Variants in FHIT observed in about 807,000 individuals in gnomAD.
FHIT encodes bis(5'-adenosyl)-triphosphatase.
FHIT carries 19 observed loss-of-function variants against 17.9 expected under a neutral mutation model. That is an observed-to-expected ratio of 1.06 (90% CI 0.74 to 1.56). FHIT has a LOEUF of 1.56. Ranked by LOEUF, FHIT falls within the 40% of genes most tolerant of loss-of-function variation. The probability of loss-of-function intolerance (pLI) is 0.00; values close to 1 mark genes in which losing one functional copy is unlikely to be tolerated. For synonymous variants in FHIT, 81 were observed against 69.7 expected (o/e 1.16, Z -0.81); for missense variants, 248 against 189.2 (o/e 1.31, Z -1.82).
At chr3:60,259,759 C>T (rs1053060334) in intron 5 of FHIT, among the ~76,000 whole-genome samples, 1 of 151,998 alleles carries the variant, frequency 6.6e-6, no homozygotes, top group Non-Finnish European at 1.5e-5. Context: ...TTCAATAATG[C>T]ACCCCAAGTG....
chr3:60,444,173 T>C (rs1365579497), intron 5 of FHIT, among the ~76,000 whole-genome samples: 1 of 152,090 alleles, frequency 6.6e-6, no homozygotes, highest in Non-Finnish European at 1.5e-5. Context: ...AGAATGGTGA[T>C]CATTAAAAAG....
At chr3:60,373,209 AATGTC>A (rs1423373797) in intron 5 of FHIT, among the ~76,000 whole-genome samples, 1 of 152,100 alleles carries the variant, frequency 6.6e-6, no homozygotes, top group Admixed American at 6.6e-5. Context: ...AATTGTGATA[AATGTC>A]ATGGGAGAGA....
At chr3:60,175,578 C>T (rs1345478328) in intron 5 of FHIT, among the ~76,000 whole-genome samples, 4 of 152,000 alleles carry the variant, frequency 2.6e-5, no homozygotes, top group Non-Finnish European at 5.9e-5. Flanking sequence ...AATGGCAATA[C>T]GAGCAAAGTT....
chr3:60,089,315 T>G (rs1395242468), intron 5 of FHIT, among the ~76,000 whole-genome samples: 2 of 152,208 alleles, frequency 1.3e-5, no homozygotes, highest in African/African-American at 4.8e-5. Flanking sequence ...TTTTAGTATA[T>G]TTTTGGGTTT....
chr3:60,318,289 C>T (rs181145256), intron 5 of FHIT, among the ~76,000 whole-genome samples: 6 of 152,102 alleles, frequency 3.9e-5, no homozygotes, highest in Admixed American at 3.3e-4. Flanking sequence ...AAAGAACTAA[C>T]AAAAGGAAAG....
At chr3:60,982,738 A>G (rs1710549390) in intron 3 of FHIT, among the ~76,000 whole-genome samples, 1 of 152,136 alleles carries the variant, frequency 6.6e-6, no homozygotes, top group Admixed American at 6.5e-5. Flanking sequence ...TTCTTTGGCT[A>G]TTCACTGCTT....
At chr3:60,285,664 GT>G (rs1707691330) in intron 5 of FHIT, among the ~76,000 whole-genome samples, 1 of 152,130 alleles carries the variant, frequency 6.6e-6, no homozygotes, top group African/African-American at 2.4e-5. Context: ...AACTTAACCA[GT>G]TTGAACACTT....
intron 7 of FHIT, among the ~76,000 whole-genome samples, chr3:59,953,270 C>T (rs538754395): frequency 3.9e-5 from 6 of 152,076 alleles, no homozygotes; most frequent in Admixed American, 1.3e-4. Flanking sequence ...GTTTCTCTCT[C>T]GGTCTTGATG....
chr3:61,240,874 CCTTGGTACCT>C (rs746290836), intron 1 of FHIT, among the ~76,000 whole-genome samples: 172 of 152,252 alleles, frequency 1.1e-3, no homozygotes, highest in South Asian at 1.9e-3. Context: ...GTGGCACAGG[CCTTGGTACCT>C]CAATTTCAGC....
chr3:60,064,663 A>C (rs1272735839), intron 5 of FHIT, among the ~76,000 whole-genome samples: 6 of 152,230 alleles, frequency 3.9e-5, no homozygotes. Flanking sequence ...ACATACACAC[A>C]ACACAAGCAC....
At chr3:60,219,631 T>C (rs1358849753) in intron 5 of FHIT, among the ~76,000 whole-genome samples, 1 of 152,150 alleles carries the variant, frequency 6.6e-6, no homozygotes, top group Non-Finnish European at 1.5e-5. Context: ...TTTACTTTTG[T>C]TGAAATGTTA....
intron 4 of FHIT, among the ~76,000 whole-genome samples, chr3:60,582,895 G>A (rs1176929532): frequency 6.6e-6 from 1 of 151,944 alleles, no homozygotes; most frequent in Non-Finnish European, 1.5e-5. Context: ...AAGCTGAGAA[G>A]TGTTCAAAGA....
chr3:60,522,590 G>A (rs1288003091), intron 5 of FHIT, among the ~76,000 whole-genome samples: 10 of 152,220 alleles, frequency 6.6e-5, no homozygotes, highest in Non-Finnish European at 1.5e-4. Context: ...AGATTTGGCA[G>A]GAGTAGTAGA....
intron 4 of FHIT, among the ~76,000 whole-genome samples, chr3:60,605,749 C>T (rs1261416191): frequency 2.6e-5 from 4 of 152,130 alleles, no homozygotes; most frequent in African/African-American, 7.2e-5. Context: ...GCTGTGGGAA[C>T]ACAGCTAATG....
At chr3:60,973,089 C>T (rs1482470056) in intron 3 of FHIT, among the ~76,000 whole-genome samples, 1 of 152,078 alleles carries the variant, frequency 6.6e-6, no homozygotes, top group Non-Finnish European at 1.5e-5. Context: ...GTTCTTGTTT[C>T]CTGGCATGCC....
chr3:60,244,017 C>T (rs1021907854), intron 5 of FHIT, among the ~76,000 whole-genome samples: 3 of 152,040 alleles, frequency 2.0e-5, no homozygotes, highest in African/African-American at 7.2e-5. Flanking sequence ...TTACACCATT[C>T]TCCTTTACTT....
chr3:60,592,285 T>A lies in FHIT; in HGVS notation c.-17-55306A>T, dbSNP rs536895619. Among the ~76,000 whole-genome samples the A allele has an allele frequency of 2.4e-4, 36 of 147,532 alleles. No individual in the cohort carries two copies. The East Asian group carries it at 5.9e-3, about 24-fold the overall frequency. ...CTCTCTCTCTATATATATATATATA[T>A]AAAATCATAGATACACCATGATAAT... On this transcript the variant is annotated intron_variant, in intron 4 of 9. Coordinates refer to ENST00000492590, the MANE Select transcript of FHIT (RefSeq NM_002012.4).
At chr3:60,346,662 T>G (rs1292430507) in intron 5 of FHIT, among the ~76,000 whole-genome samples, 1 of 152,200 alleles carries the variant, frequency 6.6e-6, no homozygotes, top group African/African-American at 2.4e-5. Context: ...TAACTTTTCC[T>G]GGTGGTGTGA....
intron 3 of FHIT, among the ~76,000 whole-genome samples, chr3:60,857,660 G>T (rs1294207326): frequency 1.3e-5 from 2 of 152,202 alleles, no homozygotes; most frequent in Admixed American, 1.3e-4. Flanking sequence ...CCTGGGCCTG[G>T]TGGCTCATGC....
Sources: gnomAD v4.1 joint callset for allele counts (sites outside exome capture counted in the v4.1 genomes callset) on GRCh38, gnomAD v4.1.1 for gene constraint, MANE v1.5 for transcripts, NCBI Gene and HGNC (gene_info 2026-07-23, HGNC 2026-07-21) for gene names.